The following SSBP4 variants were observed in gnomAD, a reference collection of about 807,000 sequenced individuals.
The protein encoded by SSBP4 is single stranded DNA binding protein 4.
SSBP4 carries 33 observed loss-of-function variants against 64.6 expected under a neutral mutation model. That is an observed-to-expected ratio of 0.51 (90% CI 0.39 to 0.68). The LOEUF (loss-of-function observed/expected upper bound fraction) is 0.68. SSBP4 is among the 30% of genes least tolerant of loss of function. SSBP4 has a pLI of 0.00. For missense variants in SSBP4, 583 were observed against 566.8 expected (o/e 1.03, Z -0.29); for synonymous variants, 243 against 224.0 (o/e 1.08, Z -0.76).
chr19:18,420,475 G>T (rs1276421435), intron 1 of SSBP4, among the ~76,000 whole-genome samples: 2 of 152,130 alleles, frequency 1.3e-5, no homozygotes, highest in African/African-American at 4.8e-5. Context: ...GGAGTCAGCC[G>T]AGTGTGCTCT....
At chr19:18,417,966 T>TCACACACAAA (rs1972191844), upstream of SSBP4, among the ~76,000 whole-genome samples, 1 of 151,906 alleles carries the variant, frequency 6.6e-6, no homozygotes, top group Non-Finnish European at 1.5e-5. This position sits in a 1 kb window ranked among gnomAD's most constrained non-coding sequence, Gnocchi z 5.4. Context: ...ATCCAGACAT[T>TCACACACAAA]CACACACAAA....
At chr19:18,404,276 T>C in the SSBP4 span, among the ~76,000 whole-genome samples, 2 of 150,854 alleles carry the variant, frequency 1.3e-5, no homozygotes, top group African/African-American at 4.9e-5. Context: ...CCCTCAGAGA[T>C]CCCCAGAGAC....
chr19:18,427,604 G>T lies in SSBP4; in HGVS notation c.133-148G>T. 8.5e-7 allele frequency: 1 copy of T among 1,179,050 alleles called. No homozygotes were observed. The highest frequency in any genetic ancestry group is 2.5e-5 in the Admixed American group (1 of 39,302). 73.0% of individuals were successfully genotyped at this position (1,179,050 alleles called of 1,614,324 possible). On this transcript the variant is annotated intron_variant, in intron 2 of 17. Transcript: ENST00000270061. This position sits in a 1 kb window ranked among gnomAD's most constrained non-coding sequence, Gnocchi z 4.4. ...GCATCTGGTCCACATGCCCAGCCGG[G>T]ACCTGCCACACATCCTGGGGCCCTC...
upstream of SSBP4, among the ~76,000 whole-genome samples, chr19:18,417,377 C>T (rs1193247969): frequency 6.6e-6 from 1 of 152,178 alleles, no homozygotes; most frequent in South Asian, 2.1e-4. The surrounding 1 kb of genome is among the most constrained non-coding windows in gnomAD (Gnocchi z 5.4). Flanking sequence ...AACCAGGGCA[C>T]ACAGGGCCCT....
rs1390796599 is a variant in SSBP4 at position 18,431,279 on chromosome 19, T to C, written c.370-74T>C. The C allele has an allele frequency of 6.9e-6, 4 of 580,332 alleles. No individual in the cohort carries two copies. The Admixed American group carries it at 1.3e-4, about 18-fold the overall frequency. 35.9% of individuals were successfully genotyped at this position (580,332 alleles called of 1,614,324 possible). A position where few individuals can be genotyped will look rare whatever the true frequency, so the allele number is the denominator to read the frequency against. ...AGGCTGGCCCACCCCTCTGCCTCCATGGAGCCCCTCCCCTCCTCAGCCAAA... is the reference window on the plus strand; with the variant it reads ...AGGCTGGCCCACCCCTCTGCCTCCACGGAGCCCCTCCCCTCCTCAGCCAAA... On this transcript the variant is annotated intron_variant, in intron 5 of 17. Transcript: ENST00000270061.
intron 4 of SSBP4, among the ~76,000 whole-genome samples, chr19:18,428,682 C>A (rs906605246): frequency 2.0e-5 from 3 of 152,126 alleles, no homozygotes; most frequent in African/African-American, 7.2e-5. Context: ...GCGCCAGTCC[C>A]GCCCACCCCC....
At chr19:18,408,579 GC>G in the SSBP4 span, among the ~76,000 whole-genome samples, 2 of 148,702 alleles carry the variant, frequency 1.3e-5, no homozygotes, top group African/African-American at 5.0e-5. Context: ...TGCAAACTCC[GC>G]CCCCCAGGTT....
chr19:18,431,480 C>T (rs900695998), intron 6 of SSBP4, 62 bp downstream of exon 6: 29 of 1,117,662 alleles, frequency 2.6e-5, no homozygotes, highest in Non-Finnish European at 3.3e-5. Context: ...GCCGCCCCCT[C>T]CCACCCTCAA....
intron 1 of SSBP4, among the ~76,000 whole-genome samples, chr19:18,424,611 G>A (rs1197176728): frequency 6.6e-6 from 1 of 151,926 alleles, no homozygotes; most frequent in African/African-American, 2.4e-5. Context: ...CATGGGGGTG[G>A]GGGGAGCAGC....
chr19:18,411,271 T>A, the SSBP4 span, among the ~76,000 whole-genome samples: 15 of 152,064 alleles, frequency 9.9e-5, no homozygotes, highest in Non-Finnish European at 1.8e-4. Flanking sequence ...AGTGGGCAGA[T>A]CACCTGAGGT....
intron 5 of SSBP4, 58 bp downstream of exon 5, chr19:18,430,988 G>T: frequency 6.3e-7 from 1 of 1,576,910 alleles, no homozygotes; most frequent in Non-Finnish European, 8.6e-7. Flanking sequence ...GCGTTTGAGG[G>T]TGGGGGGGGT....
rs1292011936 is a variant in SSBP4 at position 18,433,165 on chromosome 19, A to G, written c.943A>G (p.Met315Val). Residue 315 changes from methionine (M) to valine (V), a missense_variant, in exon 15 of 18, where the codon ATG becomes GTG. Physicochemically the swap from Met to Val is conservative, Grantham distance 21. This residue lies in a region of SSBP4 where 444 missense variants were observed against 386.6 expected (regional missense o/e 1.15). Transcript: ENST00000270061. Reference sequence around the variant, plus strand: ...GCTCGGCCCTGGCCCGGAGGGCCCCATGGCCGCCATGAGCGCGATGGAGCC... The same window carrying G: ...GCTCGGCCCTGGCCCGGAGGGCCCCGTGGCCGCCATGAGCGCGATGGAGCC... ...FPLGPGPEGP[M>V]AAMSAMEPHH... The G allele has an allele frequency of 2.5e-6, 4 of 1,595,290 alleles. No homozygotes were observed. Among genetic ancestry groups the G allele is most frequent in the East Asian group, 2.3e-5 (1 of 43,896 alleles).
At chr19:18,404,794 A>T in the SSBP4 span, among the ~76,000 whole-genome samples, 1 of 146,794 alleles carries the variant, frequency 6.8e-6, no homozygotes, top group Non-Finnish European at 1.5e-5. Context: ...GGGGAGGCTG[A>T]GGCAGGAGAA....
intron 4 of SSBP4, among the ~76,000 whole-genome samples, chr19:18,429,284 C>A (rs1423064622): frequency 1.3e-5 from 2 of 151,546 alleles, no homozygotes; most frequent in African/African-American, 4.8e-5. Context: ...GGCTCCCTGC[C>A]GACCTTGGCG....
chr19:18,433,885 G>A (rs1973754080), intron 17 of SSBP4, 68 bp downstream of exon 17: 1 of 1,289,812 alleles, frequency 7.8e-7, no homozygotes, highest in Non-Finnish European at 9.7e-7. Flanking sequence ...GCAGGCCCCG[G>A]CGGGGCGGCC....
chr19:18,431,363 G>GCC lies in SSBP4; in HGVS notation c.381_382insCC (p.Ser128ProfsTer13). Reference sequence around the variant, plus strand: ...GTTCTGTCCTCCTAGGGCCCCCCCGGCTCCCAGCCGTCCCCCCACAACCCC... The same window carrying GCC: ...GTTCTGTCCTCCTAGGGCCCCCCCGGCCCTCCCAGCCGTCCCCCCACAACCCC... On this transcript the variant is annotated frameshift_variant, in exon 6 of 18. Transcript: ENST00000270061. LOFTEE classifies it high-confidence loss of function. 1 of 1,064,246 alleles carries GCC rather than the reference G, an allele frequency of 9.4e-7. No individual in the cohort carries two copies. Among genetic ancestry groups the GCC allele is most frequent in the Admixed American group, 2.9e-5 (1 of 34,456 alleles). The allele number at this position is 1,064,246 out of a possible 1,614,324, so 65.9% of individuals were successfully genotyped here.
intron 15 of SSBP4, 93 bp from the exon 16 acceptor site, chr19:18,433,492 G>T (rs1314311522): frequency 7.4e-7 from 1 of 1,359,452 alleles, no homozygotes; most frequent in Non-Finnish European, 1.0e-6. Flanking sequence ...GCGCGTCGGC[G>T]GGGGCAGCTT....
chr19:18,425,955 CAG>C (rs1972826071), intron 1 of SSBP4: 2 of 152,388 alleles, frequency 1.3e-5, no homozygotes, highest in Non-Finnish European at 2.9e-5. Flanking sequence ...GCCTCCAGGA[CAG>C]GGGCCGGGTG....
intron 4 of SSBP4, among the ~76,000 whole-genome samples, chr19:18,428,698 C>T (rs552759947): frequency 2.6e-5 from 4 of 152,276 alleles, no homozygotes; most frequent in Admixed American, 6.5e-5. Flanking sequence ...CCCCCTACCC[C>T]CTGTGCGCCA....
Sources: gnomAD v4.1 joint callset for allele counts (sites outside exome capture counted in the v4.1 genomes callset) on GRCh38, gnomAD v4.1.1 for gene constraint, gnomAD v4.1.1 regional missense constraint, Gnocchi (gnomAD v3.1) non-coding constraint, MANE v1.5 for transcripts, NCBI Gene and HGNC (gene_info 2026-07-23, HGNC 2026-07-21) for gene names.